Variants in DIP2C observed in about 807,000 individuals in gnomAD.
DIP2C encodes disco-interacting protein 2 homolog C.
A neutral mutation model predicts 192.4 loss-of-function variants in DIP2C; 33 were observed. That is an observed-to-expected ratio of 0.17 (90% CI 0.13 to 0.23). The LOEUF (loss-of-function observed/expected upper bound fraction) is 0.23, where lower values mean the gene tolerates loss of function less well. Ranked by LOEUF, DIP2C falls within the 10% of genes least tolerant of loss-of-function variation. The pLI is 1.00. For missense variants in DIP2C, 1,537 were observed against 2,110.1 expected (o/e 0.73, Z 5.32); for synonymous variants, 979 against 864.1 (o/e 1.13, Z -2.33).
At chr10:592,485 A>G (rs190331530) in intron 1 of DIP2C, among the ~76,000 whole-genome samples, 1 of 151,582 alleles carries the variant, frequency 6.6e-6, no homozygotes, top group East Asian at 1.9e-4. Flanking sequence ...AGCAGTGAAA[A>G]TAAACTATAG....
chr10:402,235 ACG>A (rs1964510456), intron 9 of DIP2C, among the ~76,000 whole-genome samples: 2 of 25,516 alleles, frequency 7.8e-5, no homozygotes, highest in African/African-American at 1.2e-4. Flanking sequence ...GTGATTTTAC[ACG>A]TGTGGTAGCA....
chr10:427,801 A>G (rs1453967466), intron 4 of DIP2C, among the ~76,000 whole-genome samples: 1 of 152,238 alleles, frequency 6.6e-6, no homozygotes, highest in African/African-American at 2.4e-5. Context: ...ATGCTCATAT[A>G]CTGCTGGTGG....
rs1361549486 is a variant in DIP2C at position 542,102 on chromosome 10, C to CT, written c.86-55573dup. ...CTCTCAGAAAAGTCCCAGAAGACCC[C>CT]TCACCAACCCAGCAACACCTTGAGG... is the stretch of plus-strand genomic sequence containing the variant. On this transcript the variant is annotated intron_variant, in intron 1 of 36. Coordinates refer to ENST00000280886, the MANE Select transcript of DIP2C (RefSeq NM_014974.3). Among the ~76,000 whole-genome samples, 6 of 152,348 alleles carry CT rather than the reference C, an allele frequency of 3.9e-5. 1 individual carries two copies. Among genetic ancestry groups the CT allele is most frequent in the Admixed American group, 3.9e-4 (6 of 15,310 alleles).
At chr10:385,114 A>G (rs1246370569) in intron 14 of DIP2C, among the ~76,000 whole-genome samples, 2 of 151,288 alleles carry the variant, frequency 1.3e-5, no homozygotes, top group African/African-American at 2.4e-5. Context: ...GAGGAGAAGC[A>G]GCTCTCATGG....
At chr10:356,347 A>G in intron 24 of DIP2C, 79 bp downstream of exon 24, 1 of 1,493,452 alleles carries the variant, frequency 6.7e-7, no homozygotes, top group Non-Finnish European at 9.3e-7. Flanking sequence ...GGATTCAAAG[A>G]AAGAAGCAGG....
rs760190787 is a variant in DIP2C, at chr10:274,943, CTAAG to C, written c.*2378_*2381del. 5.3e-5 allele frequency: 8 copies of C among 152,180 alleles called. No individual in the cohort carries two copies. Among genetic ancestry groups the C allele is most frequent in the African/African-American group, 1.7e-4 (7 of 41,436 alleles). The allele number at this position is 152,180 out of a possible 1,614,324, so 9.4% of individuals were successfully genotyped here. ...TTCTTTATTGCTGAAACTGGTGGTA[CTAAG>C]TGTCTCCTTTCCTTTCTCTTGCACA... On this transcript the variant is annotated 3_prime_UTR_variant, in exon 37 of 37. Coordinates refer to ENST00000280886, the MANE Select transcript of DIP2C (RefSeq NM_014974.3).
intron 10 of DIP2C, among the ~76,000 whole-genome samples, chr10:394,452 C>T (rs13377101): frequency 2.8e-5 from 1 of 36,272 alleles, no homozygotes; most frequent in Admixed American, 3.1e-4. Flanking sequence ...CAGCCTTCAG[C>T]GAGGAGGGAA....
chr10:626,849 T>A (rs1298504159), intron 1 of DIP2C, among the ~76,000 whole-genome samples: 1 of 152,238 alleles, frequency 6.6e-6, no homozygotes, highest in Non-Finnish European at 1.5e-5. Context: ...TTTTTTTCAC[T>A]ACAACTGTTT....
At chr10:368,206 G>A (rs966466961) in intron 18 of DIP2C, among the ~76,000 whole-genome samples, 5 of 140,534 alleles carry the variant, frequency 3.6e-5, no homozygotes, top group South Asian at 2.4e-4. Flanking sequence ...TGCCTCCGAC[G>A]GGGGCCCGGG....
At chr10:635,542 G>T (rs1351244174) in intron 1 of DIP2C, among the ~76,000 whole-genome samples, 1 of 152,260 alleles carries the variant, frequency 6.6e-6, no homozygotes, top group Non-Finnish European at 1.5e-5. Context: ...GCGAGGGCCT[G>T]CGTCTCCTCA....
At chr10:285,986 A>G (rs1013045987) in intron 34 of DIP2C, among the ~76,000 whole-genome samples, 1 of 152,266 alleles carries the variant, frequency 6.6e-6, no homozygotes, top group Non-Finnish European at 1.5e-5. Flanking sequence ...GAGCCAAGAA[A>G]TAAAGAAACT....
intron 31 of DIP2C, among the ~76,000 whole-genome samples, chr10:323,606 A>AT (rs1957126377): frequency 6.6e-6 from 1 of 152,138 alleles, no homozygotes; most frequent in African/African-American, 2.4e-5. Flanking sequence ...CAGTGTCTTA[A>AT]TTTTTTGTGT....
chr10:344,568 A>G (rs1050698807), intron 28 of DIP2C, among the ~76,000 whole-genome samples: 5 of 152,252 alleles, frequency 3.3e-5, no homozygotes, highest in Non-Finnish European at 5.9e-5. Context: ...GCAGTGTTCT[A>G]CTGTCAGCTG....
chr10:281,323 T>G lies in DIP2C; in HGVS notation c.4295A>C (p.Glu1432Ala). 1.2e-6 allele frequency: 2 copies of G among 1,609,450 alleles called. No individual in the cohort carries two copies. Among genetic ancestry groups the G allele is most frequent in the Non-Finnish European group, 1.7e-6 (2 of 1,176,242 alleles). ...RRTELTDANG[E>A]RHDALYVVGA... is the part of the protein sequence containing the mutation. ...TACCACGTAGAGGGCATCATGGCGC[T>G]CTGTGGAGTAATGACAGCCTGCGTA... Residue 1432 changes from glutamate (E) to alanine (A), a missense_variant and splice_region_variant, in exon 36 of 37, where the codon GAG becomes GCG. Physicochemically the swap from Glu to Ala is moderately radical, Grantham distance 107. Around this residue, in one of 4 missense-constraint regions of DIP2C, gnomAD observed 341 missense variants for 551.7 expected, o/e 0.62. Transcript: ENST00000280886.
intron 1 of DIP2C, among the ~76,000 whole-genome samples, chr10:512,108 T>C (rs1027842237): frequency 6.6e-6 from 1 of 152,256 alleles, no homozygotes; most frequent in Non-Finnish European, 1.5e-5. Context: ...TCTTTGTAAA[T>C]GTCAACCTTC....
intron 3 of DIP2C, among the ~76,000 whole-genome samples, chr10:457,127 C>T (rs917512199): frequency 1.3e-5 from 2 of 152,128 alleles, no homozygotes; most frequent in African/African-American, 4.8e-5. Context: ...TGCTTATTTT[C>T]GGTTTGTACA....
At chr10:590,763 T>C (rs893304043) in intron 1 of DIP2C, among the ~76,000 whole-genome samples, 37 of 152,176 alleles carry the variant, frequency 2.4e-4, no homozygotes, top group African/African-American at 8.7e-4. Context: ...AGAAACGCTA[T>C]TGAAACTCAA....
intron 17 of DIP2C, among the ~76,000 whole-genome samples, chr10:371,702 G>A (rs940966286): frequency 6.6e-6 from 1 of 150,464 alleles, no homozygotes; most frequent in Non-Finnish European, 1.5e-5. Context: ...AGGCTGGGGT[G>A]AGGCCTGGGC....
chr10:296,279 C>A (rs1418907119), intron 32 of DIP2C, among the ~76,000 whole-genome samples: 1 of 152,140 alleles, frequency 6.6e-6, no homozygotes, highest in Non-Finnish European at 1.5e-5. Context: ...TTTAATCCAT[C>A]TTGAATTAAT....
Sources: gnomAD v4.1 joint callset for allele counts (sites outside exome capture counted in the v4.1 genomes callset) on GRCh38, gnomAD v4.1.1 for gene constraint, gnomAD v4.1.1 regional missense constraint, MANE v1.5 for transcripts, NCBI Gene and HGNC (gene_info 2026-07-23, HGNC 2026-07-21) for gene names.